SEMA5A: variants seen among roughly 807,000 people sequenced by gnomAD.
SEMA5A encodes semaphorin 5A, also known as semaphorin-5A.
Under a neutral mutation model 135.5 loss-of-function variants are expected in SEMA5A, and 55 were observed. The ratio of observed to expected loss-of-function variants is 0.41; its 90% confidence interval spans 0.33 to 0.51. The LOEUF is 0.51. SEMA5A is among the 20% of genes least tolerant of loss of function. The probability of loss-of-function intolerance (pLI) is 0.37; values close to 1 mark genes in which losing one functional copy is unlikely to be tolerated. For missense variants in SEMA5A, 1,290 were observed against 1,419.9 expected (o/e 0.91, Z 1.47); for synonymous variants, 580 against 546.5 (o/e 1.06, Z -0.85).
intron 2 of SEMA5A, among the ~76,000 whole-genome samples, chr5:9,381,981 TGC>T (rs112343169): frequency 0.027 from 2,650 of 99,770 alleles, 35 homozygotes; most frequent in East Asian, 0.045. Context: ...TGTGTGTGTG[TGC>T]GCGCGCGCGC....
intron 8 of SEMA5A, among the ~76,000 whole-genome samples, chr5:9,212,250 T>C (rs116059870): frequency 0.014 from 2,060 of 152,382 alleles, 17 homozygotes; most frequent in Non-Finnish European, 0.022. Context: ...TGCCAGTTTC[T>C]TGAAGGCAAG....
At chr5:9,113,198 T>C (rs554934077) in intron 15 of SEMA5A, among the ~76,000 whole-genome samples, 2 of 152,330 alleles carry the variant, frequency 1.3e-5, no homozygotes, top group East Asian at 1.9e-4. Flanking sequence ...AAATCTGTGG[T>C]AATGTTATTA....
intron 11 of SEMA5A, among the ~76,000 whole-genome samples, chr5:9,184,742 G>A (rs556520223): frequency 6.6e-6 from 1 of 152,044 alleles, no homozygotes; most frequent in South Asian, 2.1e-4. Context: ...TCAACTCTGG[G>A]TACTGACTTT....
intron 2 of SEMA5A, among the ~76,000 whole-genome samples, chr5:9,433,226 C>T (rs1456428415): frequency 6.6e-6 from 1 of 151,934 alleles, no homozygotes; most frequent in Non-Finnish European, 1.5e-5. Flanking sequence ...AATATCTGTT[C>T]CTGAATTAAA....
Position 9,112,735 on chromosome 5 carries a change from G to C in SEMA5A, c.1926-4448C>G, listed in dbSNP as rs1341338626. 3.9e-5 allele frequency among the ~76,000 whole-genome samples: 6 copies of C among 152,158 alleles called. No individual in the cohort carries two copies. In the East Asian group the frequency reaches 1.2e-3, roughly 29 times the overall value. On this transcript the variant is annotated intron_variant, in intron 15 of 22. Transcript: ENST00000382496. ...TGTTCCCCGTGATCCCCAGCTCCTA[G>C]AATTCACACCTTGCGTAATCTCCTC...
rs1736040796 is a variant in SEMA5A, at chr5:9,042,936, A to C, written c.3186T>G (p.Asn1062Lys). The C allele has an allele frequency of 6.2e-7, 1 of 1,613,758 alleles. No individual in the cohort carries two copies. The highest frequency in any genetic ancestry group is 1.3e-5 in the African/African-American group (1 of 74,892). The stretch of plus-strand genomic sequence containing the variant: ...AATTATTGAGATCTGTAAAGTAGGC[A>C]TTAGAATAGGTCTTCCCAGTGAGAT... Reference protein sequence around the residue: ...NPHLTGKTYSNAYFTDLNNYD... With the variant: ...NPHLTGKTYSKAYFTDLNNYD... Residue 1062 changes from asparagine (N) to lysine (K), a missense_variant, in exon 23 of 23, where the codon AAT (asparagine) becomes AAG (lysine). Transcript: ENST00000382496.
chr5:9,201,250 A>T (rs1050535521), intron 9 of SEMA5A, among the ~76,000 whole-genome samples: 1 of 152,160 alleles, frequency 6.6e-6, no homozygotes, highest in African/African-American at 2.4e-5. Flanking sequence ...CCAGCTAAGG[A>T]TAGGAAATAA....
intron 4 of SEMA5A, among the ~76,000 whole-genome samples, chr5:9,331,289 A>G (rs985760202): frequency 2.6e-5 from 4 of 152,218 alleles, no homozygotes; most frequent in Non-Finnish European, 4.4e-5. Context: ...GTGAATTTAA[A>G]ATTAATCCCC....
In SEMA5A at chr5:9,109,028, A is replaced by ATTTTTTTTTTTTTTT. The variant is rs67762219; in HGVS notation, c.1926-756_1926-742dup. On this transcript the variant is annotated intron_variant, in intron 15 of 22. Transcript: ENST00000382496. ...TCATGAGTCATATTATTTCTCTTCA[A>ATTTTTTTTTTTTTTT]TTTTTTTTTTTTTTTTTTTTTTTTT... 3.6e-4 allele frequency among the ~76,000 whole-genome samples: 33 copies of ATTTTTTTTTTTTTTT among 92,440 alleles called. 1 individual carries two copies. The highest frequency in any genetic ancestry group is 4.1e-4 in the African/African-American group (9 of 21,754). The allele number at this position is 92,440 out of a possible 152,430, so 60.6% of individuals were successfully genotyped here. A position where few individuals can be genotyped will look rare whatever the true frequency, so the allele number is the denominator to read the frequency against.
At chr5:9,504,232 A>AG (rs1735750583) in intron 1 of SEMA5A, among the ~76,000 whole-genome samples, 2 of 151,510 alleles carry the variant, frequency 1.3e-5, no homozygotes, top group Non-Finnish European at 2.9e-5. Flanking sequence ...AAGAAAAAAA[A>AG]AAAAAAACAA....
intron 11 of SEMA5A, among the ~76,000 whole-genome samples, chr5:9,155,560 C>T (rs1192708658): frequency 6.6e-6 from 1 of 152,130 alleles, no homozygotes; most frequent in African/African-American, 2.4e-5. Flanking sequence ...CTGGAAGCCG[C>T]TTAGAGATCC....
intron 1 of SEMA5A, among the ~76,000 whole-genome samples, chr5:9,544,695 C>T (rs1738282335): frequency 6.6e-6 from 1 of 152,216 alleles, no homozygotes; most frequent in Non-Finnish European, 1.5e-5. Flanking sequence ...AAAGTTAAAT[C>T]CCAACTCCGG....
At chr5:9,082,404 G>T (rs1738437932) in intron 16 of SEMA5A, among the ~76,000 whole-genome samples, 2 of 152,144 alleles carry the variant, frequency 1.3e-5, no homozygotes, top group Admixed American at 1.3e-4. Context: ...GACAGAAAGA[G>T]TTGATTCTTC....
intron 5 of SEMA5A, among the ~76,000 whole-genome samples, chr5:9,270,966 G>A (rs890788635): frequency 2.0e-5 from 3 of 152,062 alleles, no homozygotes; most frequent in African/African-American, 4.8e-5. Flanking sequence ...ATTTGTGAAT[G>A]TTTGCTTTCT....
intron 4 of SEMA5A, among the ~76,000 whole-genome samples, chr5:9,327,646 CA>C (rs1347070514): frequency 6.6e-6 from 1 of 152,100 alleles, no homozygotes; most frequent in Non-Finnish European, 1.5e-5. Flanking sequence ...ATGCCGCCAG[CA>C]AATCTTAGAG....
chr5:9,494,917 C>T (rs1735223847), intron 1 of SEMA5A, among the ~76,000 whole-genome samples: 1 of 152,120 alleles, frequency 6.6e-6, no homozygotes, highest in South Asian at 2.1e-4. Context: ...CAAGGTTCTT[C>T]CTAAGAAATA....
At chr5:9,266,786 T>G (rs1355585397) in intron 5 of SEMA5A, among the ~76,000 whole-genome samples, 1 of 152,230 alleles carries the variant, frequency 6.6e-6, no homozygotes, top group Non-Finnish European at 1.5e-5. Flanking sequence ...AACTCACTAC[T>G]GAACCCCAAG....
At chr5:9,382,165 T>A (rs941178777) in intron 2 of SEMA5A, among the ~76,000 whole-genome samples, 27 of 152,144 alleles carry the variant, frequency 1.8e-4, no homozygotes, top group African/African-American at 6.5e-4. Context: ...CCAGGCATAG[T>A]TGTGTGTGTC....
chr5:9,325,209 G>A (rs1216848489), intron 4 of SEMA5A, among the ~76,000 whole-genome samples: 1 of 151,128 alleles, frequency 6.6e-6, no homozygotes, highest in Non-Finnish European at 1.5e-5. Flanking sequence ...ATAAAAACAT[G>A]AGTTTTTTCT....
Sources: allele counts gnomAD v4.1 joint callset (sites outside exome capture counted in the v4.1 genomes callset), GRCh38; gene constraint gnomAD v4.1.1; transcripts MANE v1.5; gene names NCBI Gene and HGNC (gene_info 2026-07-23, HGNC 2026-07-21).